CHST4: variants seen among roughly 807,000 people sequenced by gnomAD.
CHST4 encodes GST-3.
For missense variants in CHST4, 466 were observed against 506.0 expected (o/e 0.92, Z 0.76); for synonymous variants, 171 against 195.5 (o/e 0.87, Z 1.05).
At chr16:71,533,447 A>C (rs540078867) in intron 1 of CHST4, among the ~76,000 whole-genome samples, 2 of 150,028 alleles carry the variant, frequency 1.3e-5, no homozygotes, top group East Asian at 3.9e-4. Flanking sequence ...AAAAACAAAA[A>C]AAAAAACGTA....
At chr16:71,532,179 C>A (rs973247340) in intron 1 of CHST4, among the ~76,000 whole-genome samples, 4 of 151,874 alleles carry the variant, frequency 2.6e-5, no homozygotes, top group African/African-American at 9.7e-5. Flanking sequence ...TCCCGAGTAG[C>A]TGGGACTATA....
intron 1 of CHST4, among the ~76,000 whole-genome samples, chr16:71,535,153 T>A (rs891440428): frequency 6.6e-6 from 1 of 152,134 alleles, no homozygotes; most frequent in Non-Finnish European, 1.5e-5. Flanking sequence ...AATATACTTA[T>A]TTTTTGTTTT....
rs1445393439 is a variant in CHST4, at chr16:71,537,841, G to T, written c.*3G>T. On this transcript the variant is annotated 3_prime_UTR_variant, in exon 2 of 2. Coordinates refer to ENST00000539698, the MANE Select transcript of CHST4 (RefSeq NM_001166395.2). The surrounding 1 kb of genome is among the most constrained non-coding windows in gnomAD (Gnocchi z 4.2). ...CTGTCCCTGAGCAAATCCACTAAGA[G>T]GGTTGAGAAGGCTTTGCTGCCACCT... 1 of 1,599,322 alleles carries T rather than the reference G, an allele frequency of 6.3e-7. No homozygotes were observed. The highest frequency in any genetic ancestry group is 1.3e-5 in the African/African-American group (1 of 74,328).
chr16:71,528,481 G>A (rs891205182), intron 1 of CHST4, among the ~76,000 whole-genome samples: 3 of 152,152 alleles, frequency 2.0e-5, no homozygotes, highest in African/African-American at 7.2e-5. Context: ...TAGTGACACA[G>A]CCCTGGCGGG....
At chr16:71,530,376 C>A (rs1237462548) in intron 1 of CHST4, among the ~76,000 whole-genome samples, 1 of 152,172 alleles carries the variant, frequency 6.6e-6, no homozygotes, top group Non-Finnish European at 1.5e-5. Context: ...CATGAAGGAC[C>A]CCAGGTGCGA....
chr16:71,528,472 A>G (rs1376412387), intron 1 of CHST4, among the ~76,000 whole-genome samples: 4 of 152,138 alleles, frequency 2.6e-5, no homozygotes, highest in African/African-American at 9.7e-5. Flanking sequence ...CCTTGGCACT[A>G]GTGACACAGC....
chr16:71,527,871 A>G (rs778553958), intron 1 of CHST4, among the ~76,000 whole-genome samples: 68 of 152,096 alleles, frequency 4.5e-4, no homozygotes, highest in Non-Finnish European at 7.4e-4. Flanking sequence ...AATAGGTTGT[A>G]AAATGTTTCT....
At chr16:71,534,297 G>A (rs2043970827) in intron 1 of CHST4, among the ~76,000 whole-genome samples, 1 of 151,348 alleles carries the variant, frequency 6.6e-6, no homozygotes, top group Admixed American at 6.6e-5. Flanking sequence ...GCTGAGGCAG[G>A]AAGATTGTTT....
intron 1 of CHST4, among the ~76,000 whole-genome samples, chr16:71,534,039 T>TAAAAA (rs2043968359): frequency 8.0e-6 from 1 of 124,428 alleles, no homozygotes; most frequent in African/African-American, 3.1e-5. Context: ...AGACCCCATC[T>TAAAAA]CAAAAAAAAA....
Position 71,537,956 on chromosome 16 carries a change from G to A in CHST4, c.*118G>A. ...TACATGTCTGTGGGTATCACACTGA[G>A]TGTGAGTTGTGTCCACACGTGCTCA... On this transcript the variant is annotated 3_prime_UTR_variant, in exon 2 of 2. Transcript: ENST00000539698. The surrounding 1 kb of genome is among the most constrained non-coding windows in gnomAD (Gnocchi z 4.2). 1.1e-6 allele frequency: 1 copy of A among 914,018 alleles called. No individual in the cohort carries two copies. 56.6% of individuals were successfully genotyped at this position (914,018 alleles called of 1,614,324 possible).
Position 71,538,152 on chromosome 16 carries a change from C to A in CHST4, c.*314C>A. 2.8e-6 allele frequency: 1 copy of A among 353,428 alleles called. No homozygotes were observed. Among genetic ancestry groups the A allele is most frequent in the Non-Finnish European group, 5.4e-6 (1 of 185,312 alleles). The allele number at this position is 353,428 out of a possible 1,614,324, so 21.9% of individuals were successfully genotyped here. ...GCCTGGAGGCCTATTAAGCACGACA[C>A]AGTATCAGTGGAATTGATCCATAAA... is the stretch of plus-strand genomic sequence containing the variant. On this transcript the variant is annotated 3_prime_UTR_variant, in exon 2 of 2. Transcript: ENST00000539698.
chr16:71,538,163 G>A lies in CHST4; in HGVS notation c.*325G>A, dbSNP rs535414716. The A allele has an allele frequency of 3.1e-4, 93 of 298,192 alleles. No homozygotes were observed. The highest frequency in any genetic ancestry group is 1.1e-3 in the Middle Eastern group (1 of 916). The allele number at this position is 298,192 out of a possible 1,614,324, so 18.5% of individuals were successfully genotyped here. On this transcript the variant is annotated 3_prime_UTR_variant, in exon 2 of 2. Transcript: ENST00000539698. ...TATTAAGCACGACACAGTATCAGTGGAATTGATCCATAAACCTCCCTGTCC... is the reference window on the plus strand; with the variant it reads ...TATTAAGCACGACACAGTATCAGTGAAATTGATCCATAAACCTCCCTGTCC...
intron 1 of CHST4, among the ~76,000 whole-genome samples, chr16:71,532,368 G>T (rs1445222224): frequency 6.6e-6 from 1 of 152,018 alleles, no homozygotes; most frequent in Non-Finnish European, 1.5e-5. Flanking sequence ...GTTCTAATCT[G>T]CAGGGCTAAG....
rs771502079 is a variant in CHST4 at position 71,536,776 on chromosome 16, CCTGT to C, written c.102_105del (p.Ser35Ter). 1.4e-5 allele frequency: 21 copies of C among 1,513,688 alleles called. No individual in the cohort carries two copies. Among genetic ancestry groups the C allele is most frequent in the Non-Finnish European group, 1.9e-5 (21 of 1,131,524 alleles). 93.8% of individuals were successfully genotyped at this position (1,513,688 alleles called of 1,614,324 possible). ...ACATGTACAGCCACAACATCAGCTC[CCTGT>C]CTATGAAGGCACAGCCCGAGCGCAT... On this transcript the variant is annotated frameshift_variant, in exon 2 of 2. Transcript: ENST00000539698. LOFTEE classifies it low-confidence loss of function (END_TRUNC).
intron 1 of CHST4, among the ~76,000 whole-genome samples, chr16:71,529,543 ATTTTTTTTTTTTTTTTTTTT>A (rs1157747412): frequency 4.8e-5 from 2 of 41,362 alleles, no homozygotes; most frequent in Admixed American, 3.6e-4. Flanking sequence ...ATGCTCATCT[ATTTTTTTTTTTTTTTTTTTT>A]TTTTTTTTTT....
chr16:71,537,278 G>C lies in CHST4; in HGVS notation c.601G>C (p.Val201Leu), dbSNP rs762048757. ...LKDPSLNLHIVHLVRDPRAVF... is the reference protein window; with the variant it reads ...LKDPSLNLHILHLVRDPRAVF... ...AGACCCCTCCCTCAACCTGCATATC[G>C]TGCACCTGGTCCGGGACCCCCGGGC... Residue 201 changes from valine to leucine, a missense_variant, in exon 2 of 2, where the codon GTG becomes CTG. Coordinates refer to ENST00000539698, the MANE Select transcript of CHST4 (RefSeq NM_001166395.2). This position sits in a 1 kb window ranked among gnomAD's most constrained non-coding sequence, Gnocchi z 4.2. 1 of 1,614,064 alleles carries C rather than the reference G, an allele frequency of 6.2e-7. No homozygotes were observed. The highest frequency in any genetic ancestry group is 1.3e-5 in the African/African-American group (1 of 74,986).
Position 71,537,075 on chromosome 16 carries a change from G to A in CHST4, c.398G>A (p.Cys133Tyr), listed in dbSNP as rs185611053. The part of the protein sequence containing the change: ...LFQWENSRAL[C>Y]SAPACDIIPQ... ...CAGTGGGAGAACAGCCGGGCCCTGT[G>A]TTCTGCACCTGCCTGTGACATCATC... Residue 133 changes from cysteine (C) to tyrosine (Y), a missense_variant, in exon 2 of 2, where the codon TGT becomes TAT. Coordinates refer to ENST00000539698, the MANE Select transcript of CHST4 (RefSeq NM_001166395.2). This position sits in a 1 kb window ranked among gnomAD's most constrained non-coding sequence, Gnocchi z 4.2. The A allele has an allele frequency of 5.7e-5, 92 of 1,614,156 alleles. No homozygotes were observed. In the East Asian group the frequency reaches 1.6e-3, roughly 27 times the overall value.
At chr16:71,534,334 G>A (rs932903043) in intron 1 of CHST4, among the ~76,000 whole-genome samples, 3 of 150,444 alleles carry the variant, frequency 2.0e-5, no homozygotes, top group Non-Finnish European at 4.4e-5. Flanking sequence ...GATCTGACTG[G>A]GCAACATTTC....
chr16:71,531,250 C>A (rs1474545450), intron 1 of CHST4, among the ~76,000 whole-genome samples: 1 of 152,048 alleles, frequency 6.6e-6, no homozygotes, highest in East Asian at 1.9e-4. Context: ...CCATGAAGCG[C>A]CCTGGTGACT....
Sources: allele counts gnomAD v4.1 joint callset (sites outside exome capture counted in the v4.1 genomes callset), GRCh38; gene constraint gnomAD v4.1.1; non-coding constraint Gnocchi (gnomAD v3.1); transcripts MANE v1.5; gene names NCBI Gene and HGNC (gene_info 2026-07-23, HGNC 2026-07-21).